The following ADAMTSL1 variants were observed in gnomAD, a reference collection of about 807,000 sequenced individuals.
ADAMTSL1 encodes the protein ADAMTS-like protein 1.
A neutral mutation model predicts 201.8 loss-of-function variants in ADAMTSL1; 126 were observed. The ratio of observed to expected loss-of-function variants is 0.62; its 90% confidence interval spans 0.54 to 0.72. ADAMTSL1 has a LOEUF of 0.72. Ranked by LOEUF, ADAMTSL1 falls within the 30% of genes least tolerant of loss-of-function variation. The probability of loss-of-function intolerance (pLI) is 0.00; values close to 1 mark genes in which losing one functional copy is unlikely to be tolerated. For synonymous variants in ADAMTSL1, 1,121 were observed against 903.4 expected (o/e 1.24, Z -4.32); for missense variants, 2,679 against 2,277.8 (o/e 1.18, Z -3.59).
intron 1 of ADAMTSL1, among the ~76,000 whole-genome samples, chr9:18,008,823 C>T (rs754310589): frequency 1.3e-4 from 20 of 152,006 alleles, no homozygotes; most frequent in Admixed American, 2.6e-4. Context: ...TCATTTGGGA[C>T]TTAAGTACTA....
At chr9:18,488,480 A>G (rs988021677) in intron 1 of ADAMTSL1, among the ~76,000 whole-genome samples, 16 of 152,130 alleles carry the variant, frequency 1.1e-4, no homozygotes, top group Non-Finnish European at 1.9e-4. Flanking sequence ...ACACACCAAC[A>G]TTTGATAACC....
At chr9:18,093,341 G>A (rs1479661533) in intron 1 of ADAMTSL1, among the ~76,000 whole-genome samples, 3 of 152,090 alleles carry the variant, frequency 2.0e-5, no homozygotes, top group Admixed American at 2.0e-4. Flanking sequence ...TTGGCTAGTT[G>A]ACTAGCAGAT....
At chr9:18,578,110 A>G (rs539371319) in intron 4 of ADAMTSL1, among the ~76,000 whole-genome samples, 24 of 152,026 alleles carry the variant, frequency 1.6e-4, no homozygotes, top group Middle Eastern at 3.4e-3. Context: ...TGATTTTCCC[A>G]GGATCCTATG....
intron 1 of ADAMTSL1, among the ~76,000 whole-genome samples, chr9:17,942,220 G>C (rs1827266250): frequency 6.6e-6 from 1 of 152,040 alleles, no homozygotes; most frequent in Non-Finnish European, 1.5e-5. Flanking sequence ...TCTGTAAATG[G>C]ATGGTGATGT....
intron 2 of ADAMTSL1, among the ~76,000 whole-genome samples, chr9:18,522,668 C>T (rs1818773465): frequency 6.7e-6 from 1 of 150,084 alleles, no homozygotes; most frequent in African/African-American, 2.5e-5. Flanking sequence ...TCAATTCCCA[C>T]CTATGAGTGA....
In ADAMTSL1 at chr9:18,533,269, C is replaced by A; in HGVS notation, c.214C>A (p.Arg72=). The change falls in exon 3 of 29, where the codon CGA becomes AGA. Residue 72 remains arginine, a synonymous_variant. Transcript: ENST00000380548. ...TAGGAGCTGTGAAGGAAGAAATATC[C>A]GATACAGAACATGCAGTAATGTGGT... ...SSKSCEGRNI[R]YRTCSNVDCP... is the part of the protein sequence containing the mutation. 1 of 1,602,816 alleles carries A rather than the reference C, an allele frequency of 6.2e-7. No homozygotes were observed. The highest frequency in any genetic ancestry group is 8.5e-7 in the Non-Finnish European group (1 of 1,174,366).
intron 1 of ADAMTSL1, among the ~76,000 whole-genome samples, chr9:18,100,873 A>G (rs1269959495): frequency 6.6e-6 from 1 of 152,280 alleles, no homozygotes; most frequent in East Asian, 1.9e-4. Flanking sequence ...CCTGTTGGGT[A>G]TTTTTGAAAT....
chr9:18,031,439 G>C (rs1197949351), intron 1 of ADAMTSL1, among the ~76,000 whole-genome samples: 5 of 152,112 alleles, frequency 3.3e-5, no homozygotes, highest in African/African-American at 1.2e-4. Context: ...CTTTGTTGTA[G>C]ATTGCTTCCT....
chr9:18,320,532 G>A (rs187658313), intron 2 of ADAMTSL1, among the ~76,000 whole-genome samples: 375 of 152,282 alleles, frequency 2.5e-3, no homozygotes, highest in African/African-American at 8.8e-3. Context: ...TCAAGATGAA[G>A]GGAAATGATA....
At chr9:18,230,489 G>A (rs1830608363) in intron 2 of ADAMTSL1, among the ~76,000 whole-genome samples, 1 of 152,112 alleles carries the variant, frequency 6.6e-6, no homozygotes, top group African/African-American at 2.4e-5. Flanking sequence ...CATGTGGCTG[G>A]AATGTAGAAT....
At chr9:18,238,549 C>T (rs1345718624) in intron 2 of ADAMTSL1, among the ~76,000 whole-genome samples, 2 of 151,960 alleles carry the variant, frequency 1.3e-5, no homozygotes, top group Non-Finnish European at 2.9e-5. Context: ...GCTAGAATGG[C>T]GTCATTAGGA....
At chr9:18,460,802 T>C (rs1820779896) in intron 2 of ADAMTSL1, among the ~76,000 whole-genome samples, 1 of 152,134 alleles carries the variant, frequency 6.6e-6, no homozygotes, top group Admixed American at 6.5e-5. Flanking sequence ...CTGCAACACA[T>C]ACAATGAATG....
At chr9:17,916,890 C>A (rs981821201) in intron 1 of ADAMTSL1, among the ~76,000 whole-genome samples, 8 of 152,122 alleles carry the variant, frequency 5.3e-5, no homozygotes, top group Non-Finnish European at 1.2e-4. Flanking sequence ...TTTACTAATA[C>A]TGAGTTTCAT....
chr9:18,734,006 T>G (rs1415373714), intron 15 of ADAMTSL1, among the ~76,000 whole-genome samples: 1 of 152,092 alleles, frequency 6.6e-6, no homozygotes, highest in Non-Finnish European at 1.5e-5. Flanking sequence ...ATCCCTTTAT[T>G]CCAGCTGTGA....
At chr9:18,849,664 G>T (rs1439991182) in intron 23 of ADAMTSL1, among the ~76,000 whole-genome samples, 1 of 152,174 alleles carries the variant, frequency 6.6e-6, no homozygotes, top group African/African-American at 2.4e-5. Context: ...GAAAGGGAAG[G>T]ACTCATGTCA....
chr9:18,681,698 G>GTGGGGC (rs66675938), intron 11 of ADAMTSL1, 114 bp from the exon 12 acceptor site: 1 of 314,512 alleles, frequency 3.2e-6, no homozygotes, highest in African/African-American at 5.4e-5. Context: ...GTCCTCGTGT[G>GTGGGGC]GGGGGGGGGG....
Position 18,442,486 on chromosome 9 carries a change from A to G in ADAMTSL1, c.208-62343A>G, listed in dbSNP as rs191874154. Among the ~76,000 whole-genome samples the G allele has an allele frequency of 4.8e-4, 73 of 152,314 alleles. No individual in the cohort carries two copies. The East Asian group carries it at 0.011, about 23-fold the overall frequency. Reference sequence around the variant, plus strand: ...AAAGCTGGGAGGCACTGGCTTTTCAAATGACTCTGCAAACAAGCAGTTCAG... The same window carrying G: ...AAAGCTGGGAGGCACTGGCTTTTCAGATGACTCTGCAAACAAGCAGTTCAG... On this transcript the variant is annotated intron_variant, in intron 2 of 29. Coordinates refer to the ADAMTSL1 transcript ENST00000680146.
At chr9:18,895,764 A>T (rs766071955) in intron 26 of ADAMTSL1, among the ~76,000 whole-genome samples, 1 of 152,262 alleles carries the variant, frequency 6.6e-6, no homozygotes, top group African/African-American at 2.4e-5. Flanking sequence ...TCACAGAGCC[A>T]GTCTACAGAG....
chr9:18,520,480 C>A (rs1038461251), intron 2 of ADAMTSL1, among the ~76,000 whole-genome samples: 1 of 152,146 alleles, frequency 6.6e-6, no homozygotes, highest in Non-Finnish European at 1.5e-5. Context: ...GTTATCTATG[C>A]CAAAGAAACA....
Sources: allele counts gnomAD v4.1 joint callset (sites outside exome capture counted in the v4.1 genomes callset), GRCh38; gene constraint gnomAD v4.1.1; transcripts MANE v1.5; gene names NCBI Gene and HGNC (gene_info 2026-07-23, HGNC 2026-07-21).